Variants in SLC25A26 observed in about 807,000 individuals in gnomAD.
The protein encoded by SLC25A26 is mitochondrial S-adenosylmethionine carrier protein.
A neutral mutation model predicts 37.8 loss-of-function variants in SLC25A26; 36 were observed. The observed-to-expected ratio is 0.95, with a 90% CI of 0.73 to 1.26. The LOEUF is 1.26. Among genes scored for constraint, SLC25A26 ranks in the 50% most tolerant of loss-of-function variants. SLC25A26 has a pLI of 0.00. For missense variants in SLC25A26, 390 were observed against 331.1 expected (o/e 1.18, Z -1.38); for synonymous variants, 129 against 122.5 (o/e 1.05, Z -0.35).
At chr3:66,206,775 T>C (rs1576637390) in intron 1 of SLC25A26, among the ~76,000 whole-genome samples, 1 of 151,200 alleles carries the variant, frequency 6.6e-6, no homozygotes, top group East Asian at 1.9e-4. Context: ...TGCACTCCAG[T>C]AGTCATTGTA....
intron 1 of SLC25A26, among the ~76,000 whole-genome samples, chr3:66,189,149 C>G (rs982428663): frequency 8.4e-4 from 128 of 152,104 alleles, no homozygotes; most frequent in Admixed American, 2.2e-3. Context: ...ATACACTGAC[C>G]CTTATTTGAC....
intron 5 of SLC25A26, among the ~76,000 whole-genome samples, chr3:66,292,044 C>T (rs1355391451): frequency 2.6e-5 from 4 of 152,176 alleles, no homozygotes; most frequent in Non-Finnish European, 4.4e-5. Context: ...ATCCCTTTAC[C>T]GCTACATAAT....
intron 1 of SLC25A26, among the ~76,000 whole-genome samples, chr3:66,177,118 G>C (rs2070601173): frequency 1.3e-5 from 2 of 152,194 alleles, no homozygotes. Flanking sequence ...GGCATTGGAA[G>C]CCTCATATGT....
intron 5 of SLC25A26, among the ~76,000 whole-genome samples, chr3:66,325,507 T>C (rs2075814749): frequency 6.6e-6 from 1 of 152,234 alleles, no homozygotes; most frequent in African/African-American, 2.4e-5. Flanking sequence ...ATGAGTGCTT[T>C]ATAGGCGCTA....
chr3:66,136,794 C>T (rs1248110191), intron 1 of SLC25A26, among the ~76,000 whole-genome samples: 1 of 152,102 alleles, frequency 6.6e-6, no homozygotes, highest in Non-Finnish European at 1.5e-5. Context: ...AAAGCTTTTC[C>T]CTTTCAGGAC....
chr3:66,367,981 G>A (rs2076862266), intron 7 of SLC25A26, among the ~76,000 whole-genome samples: 1 of 152,304 alleles, frequency 6.6e-6, no homozygotes. Flanking sequence ...TTACCCCTAA[G>A]GTGTGTGACA....
chr3:66,218,204 A>G (rs1382224901), upstream of SLC25A26, among the ~76,000 whole-genome samples: 1 of 152,100 alleles, frequency 6.6e-6, no homozygotes, highest in Non-Finnish European at 1.5e-5. Context: ...ATGTTCCATT[A>G]TAAAGATGTA....
chr3:66,216,170 A>G (rs2071357927), upstream of SLC25A26, among the ~76,000 whole-genome samples: 1 of 152,168 alleles, frequency 6.6e-6, no homozygotes, highest in Non-Finnish European at 1.5e-5. Flanking sequence ...GTTTCTACAC[A>G]TGAATTTTGG....
Position 66,190,881 on chromosome 3 carries a change from G to T in SLC25A26, c.-353-29861G>T, listed in dbSNP as rs912965678. Among the ~76,000 whole-genome samples the T allele has an allele frequency of 2.5e-4, 38 of 152,290 alleles. No homozygotes were observed. The Middle Eastern group carries it at 0.02, about 82-fold the overall frequency. On this transcript the variant is annotated intron_variant, in intron 1 of 10. Transcript: ENST00000676754. ...ACTCATTTTCACATATATAGCATAG[G>T]TTCCTCTTATCTTGTTCTGATTCAC... is the stretch of plus-strand genomic sequence containing the variant.
intron 1 of SLC25A26, among the ~76,000 whole-genome samples, chr3:66,188,527 C>T (rs978303639): frequency 1.3e-5 from 2 of 152,086 alleles, no homozygotes; most frequent in Admixed American, 6.6e-5. Flanking sequence ...TCTACTCTCC[C>T]TCACTCCCTC....
chr3:66,261,022 A>G (rs2073507606), intron 3 of SLC25A26, among the ~76,000 whole-genome samples: 1 of 152,136 alleles, frequency 6.6e-6, no homozygotes, highest in Non-Finnish European at 1.5e-5. Context: ...TAAAGGGCAA[A>G]CCTCTTTGAG....
intron 5 of SLC25A26, among the ~76,000 whole-genome samples, chr3:66,297,989 G>A (rs549806103): frequency 6.6e-6 from 1 of 152,192 alleles, no homozygotes; most frequent in African/African-American, 2.4e-5. Context: ...GGAAAATACT[G>A]AGTAGATCAT....
intron 5 of SLC25A26, among the ~76,000 whole-genome samples, chr3:66,344,487 C>T (rs1282551010): frequency 1.3e-5 from 2 of 152,078 alleles, no homozygotes; most frequent in African/African-American, 4.8e-5. Flanking sequence ...CATAACAATG[C>T]CCTCAATTCA....
At chr3:66,280,911 A>G (rs1053968096) in intron 5 of SLC25A26, among the ~76,000 whole-genome samples, 3 of 152,166 alleles carry the variant, frequency 2.0e-5, no homozygotes, top group Non-Finnish European at 2.9e-5. Flanking sequence ...CAATGCCATT[A>G]TCACACCCAA....
chr3:66,236,290 ATTT>A (rs1157583170), intron 1 of SLC25A26, among the ~76,000 whole-genome samples: 3 of 143,338 alleles, frequency 2.1e-5, no homozygotes, highest in African/African-American at 7.8e-5. Flanking sequence ...TTGTTTAAAA[ATTT>A]TTTTATTAAA....
chr3:66,239,048 A>G (rs782191702), intron 2 of SLC25A26, among the ~76,000 whole-genome samples: 1 of 152,218 alleles, frequency 6.6e-6, no homozygotes, highest in Non-Finnish European at 1.5e-5. Flanking sequence ...TCATAAAGGA[A>G]GTCAAAAGCA....
chr3:66,259,144 G>A (rs978567632), intron 3 of SLC25A26, among the ~76,000 whole-genome samples: 2 of 152,176 alleles, frequency 1.3e-5, no homozygotes, highest in African/African-American at 4.8e-5. Flanking sequence ...CCCCACACGT[G>A]AGAGTCGGAA....
chr3:66,343,793 A>G (rs974506806), intron 5 of SLC25A26, among the ~76,000 whole-genome samples: 1 of 152,200 alleles, frequency 6.6e-6, no homozygotes, highest in Non-Finnish European at 1.5e-5. Flanking sequence ...ATTTTATTAC[A>G]TATTATAAAG....
At chr3:66,320,709 A>C (rs902978762) in intron 5 of SLC25A26, among the ~76,000 whole-genome samples, 1 of 152,148 alleles carries the variant, frequency 6.6e-6, no homozygotes, top group Non-Finnish European at 1.5e-5. Flanking sequence ...CCAGCAATGT[A>C]TTAGGGTTCC....
Sources: gnomAD v4.1 joint callset for allele counts (sites outside exome capture counted in the v4.1 genomes callset) on GRCh38, gnomAD v4.1.1 for gene constraint, MANE v1.5 for transcripts, NCBI Gene and HGNC (gene_info 2026-07-23, HGNC 2026-07-21) for gene names.